The following PAWR variants were observed in gnomAD, a reference collection of about 807,000 sequenced individuals.
PAWR encodes the protein pro-apoptotic WT1 regulator, also known as PRKC apoptosis WT1 regulator protein.
Under a neutral mutation model 32.0 loss-of-function variants are expected in PAWR, and 23 were observed. The ratio of observed to expected loss-of-function variants is 0.72; its 90% CI spans 0.52 to 1.02. The LOEUF is 1.02. Ranked by LOEUF, PAWR falls within the 50% of genes least tolerant of loss-of-function variation. The pLI is 0.00. For missense variants in PAWR, 457 were observed against 437.7 expected (o/e 1.04, Z -0.39); for synonymous variants, 226 against 187.1 (o/e 1.21, Z -1.70).
intron 2 of PAWR, chr12:79,688,408 G>A (rs1878788756): frequency 1.3e-5 from 2 of 149,410 alleles, no homozygotes; most frequent in Admixed American, 6.7e-5. Flanking sequence ...ATCAAGTTGA[G>A]GAATGTAGCT....
rs142817564 is a variant in PAWR at position 79,653,430 on chromosome 12, T to C, written c.517-32223A>G. Among the ~76,000 whole-genome samples the C allele has an allele frequency of 4.1e-3, 626 of 152,334 alleles. 12 individuals carry two copies. Among genetic ancestry groups the C allele is most frequent in the African/African-American group, 0.014 (593 of 41,580 alleles). On this transcript the variant is annotated intron_variant, in intron 2 of 6. Transcript: ENST00000328827. ...CTAAAAAGCAGGATATGTTTTTAAA[T>C]TGCTGCAATTTCAATTTTCTTAAAT...
At position 79,607,980 on chromosome 12, in the gene PAWR, C is replaced by T. The variant is rs185872311; in HGVS notation, c.683+5595G>A. ...AGGAGAATCACTTGAACCTGGGAGG[C>T]GGAGGTTGCAGTGAGCCAAGATTGT... is the stretch of plus-strand genomic sequence containing the variant. On this transcript the variant is annotated intron_variant, in intron 4 of 6. Transcript: ENST00000328827. Among the ~76,000 whole-genome samples the T allele has an allele frequency of 3.9e-4, 58 of 147,242 alleles. No homozygotes were observed. The East Asian group carries it at 0.01, about 27-fold the overall frequency.
At position 79,689,727 on chromosome 12, in the gene PAWR, AC is replaced by A; in HGVS notation, c.516+1del. ...TCCGGCTGCGGCCCCCGCCCGGCTC[AC>A]CTCTGCGGCAGGGATGTTGACCACG... is the stretch of plus-strand genomic sequence containing the variant. On this transcript the variant is annotated splice_donor_variant, in intron 2 of 6. Coordinates refer to ENST00000328827, the MANE Select transcript of PAWR (RefSeq NM_002583.4). LOFTEE classifies it high-confidence loss of function. The A allele has an allele frequency of 6.5e-7, 1 of 1,549,964 alleles. No individual in the cohort carries two copies. Among genetic ancestry groups the A allele is most frequent in the Non-Finnish European group, 8.7e-7 (1 of 1,151,412 alleles).
chr12:79,590,048 T>A lies in PAWR; in HGVS notation c.*2559A>T, dbSNP rs1873502222. On this transcript the variant is annotated 3_prime_UTR_variant, in exon 7 of 7. Coordinates refer to ENST00000328827, the MANE Select transcript of PAWR (RefSeq NM_002583.4). ...TTCTGTATGTAAAATAAGTACATAT[T>A]TTGAGATGGAAGAAGGACTGCATGT... The A allele has an allele frequency of 6.6e-6, 1 of 152,118 alleles. No homozygotes were observed. The allele number at this position is 152,118 out of a possible 1,614,324, so 9.4% of individuals were successfully genotyped here.
At chr12:79,637,528 C>G (rs1876018206) in intron 2 of PAWR, among the ~76,000 whole-genome samples, 1 of 129,126 alleles carries the variant, frequency 7.7e-6, no homozygotes. Context: ...ACAACAACAA[C>G]AACATTGAAC....
At chr12:79,635,791 CTT>C (rs1039065954) in intron 2 of PAWR, among the ~76,000 whole-genome samples, 1 of 152,142 alleles carries the variant, frequency 6.6e-6, no homozygotes, top group Non-Finnish European at 1.5e-5. Flanking sequence ...AGTTTTATGA[CTT>C]TGCTTGGGGC....
At chr12:79,636,475 T>TAACTA (rs1469507350) in intron 2 of PAWR, among the ~76,000 whole-genome samples, 2 of 152,074 alleles carry the variant, frequency 1.3e-5, no homozygotes, top group African/African-American at 4.8e-5. Context: ...CTATGCATAC[T>TAACTA]AACTAAACAA....
intron 2 of PAWR, chr12:79,632,132 C>CAAAAAAAAAAAAAAAAAAAAA (rs59152885): frequency 3.9e-5 from 2 of 50,912 alleles, no homozygotes; most frequent in African/African-American, 1.3e-4. Context: ...GACTCTGTCT[C>CAAAAAAAAAAAAAAAAAAAAA]AAAAAAAAAA....
At chr12:79,663,697 T>C (rs1027773118) in intron 2 of PAWR, among the ~76,000 whole-genome samples, 3 of 151,812 alleles carry the variant, frequency 2.0e-5, no homozygotes, top group Admixed American at 6.6e-5. Flanking sequence ...GAGGTGGAGA[T>C]TGCAGTGAGC....
At chr12:79,672,206 C>G (rs1201452145) in intron 2 of PAWR, among the ~76,000 whole-genome samples, 1 of 152,070 alleles carries the variant, frequency 6.6e-6, no homozygotes, top group Non-Finnish European at 1.5e-5. Flanking sequence ...TACCTACAAC[C>G]TAAACTGATC....
chr12:79,624,894 T>C (rs1400098709), intron 2 of PAWR, among the ~76,000 whole-genome samples: 1 of 152,202 alleles, frequency 6.6e-6, no homozygotes, highest in Admixed American at 6.5e-5. Context: ...GGCTTATATA[T>C]ATAGTTTCTG....
Position 79,651,806 on chromosome 12 carries a change from G to A in PAWR, c.517-30599C>T, listed in dbSNP as rs569410095. The stretch of plus-strand genomic sequence containing the variant: ...CATTTGTAAGCCGATAGAAGGCAAC[G>A]GTACAATCAGTATTTTAAATCTAGG... On this transcript the variant is annotated intron_variant, in intron 2 of 6. Coordinates refer to ENST00000328827, the MANE Select transcript of PAWR (RefSeq NM_002583.4). Among the ~76,000 whole-genome samples the A allele has an allele frequency of 2.6e-5, 4 of 152,152 alleles. No individual in the cohort carries two copies. The South Asian group carries it at 6.2e-4, about 24-fold the overall frequency.
At chr12:79,666,331 A>C (rs1360551104) in intron 2 of PAWR, among the ~76,000 whole-genome samples, 1 of 152,246 alleles carries the variant, frequency 6.6e-6, no homozygotes, top group Non-Finnish European at 1.5e-5. Flanking sequence ...ACAGCTGATG[A>C]AAGGAAATTT....
chr12:79,619,177 A>G (rs912278334), intron 3 of PAWR, among the ~76,000 whole-genome samples: 4 of 152,302 alleles, frequency 2.6e-5, no homozygotes, highest in African/African-American at 9.6e-5. Flanking sequence ...GTCCTGCTCC[A>G]TCTCGCCCAG....
intron 3 of PAWR, among the ~76,000 whole-genome samples, chr12:79,619,895 G>A (rs1874921206): frequency 6.6e-6 from 1 of 152,162 alleles, no homozygotes; most frequent in South Asian, 2.1e-4. Flanking sequence ...CTTTATTCAA[G>A]CTTATAAAGA....
At chr12:79,688,623 T>C (rs1592562922) in intron 2 of PAWR, among the ~76,000 whole-genome samples, 2 of 152,256 alleles carry the variant, frequency 1.3e-5, no homozygotes. Flanking sequence ...CTCATATAAA[T>C]ACGTCCTACA....
intron 4 of PAWR, chr12:79,604,430 GAGA>G (rs1425126806): frequency 8.1e-5 from 83 of 1,027,298 alleles, no homozygotes; most frequent in Non-Finnish European, 9.6e-5. Context: ...AAACTATCAT[GAGA>G]ATGAGATTGG....
At chr12:79,686,364 T>C (rs1878678877) in intron 2 of PAWR, among the ~76,000 whole-genome samples, 1 of 152,184 alleles carries the variant, frequency 6.6e-6, no homozygotes, top group Non-Finnish European at 1.5e-5. Flanking sequence ...ACTTTTCACA[T>C]TTCCTTATAT....
chr12:79,600,126 T>C (rs1262944581), intron 4 of PAWR, among the ~76,000 whole-genome samples: 1 of 152,210 alleles, frequency 6.6e-6, no homozygotes, highest in Non-Finnish European at 1.5e-5. Context: ...AAACTAAACA[T>C]AGGACACATA....
Sources: gnomAD v4.1 joint callset for allele counts (sites outside exome capture counted in the v4.1 genomes callset) on GRCh38, gnomAD v4.1.1 for gene constraint, MANE v1.5 for transcripts, NCBI Gene and HGNC (gene_info 2026-07-23, HGNC 2026-07-21) for gene names.